ANKS1B: variants seen among roughly 807,000 people sequenced by gnomAD.
ANKS1B encodes ankyrin repeat and sterile alpha motif domain-containing protein 1B.
ANKS1B carries 36 observed loss-of-function variants against 148.3 expected under a neutral mutation model. The observed-to-expected ratio is 0.24, with a 90% CI of 0.19 to 0.32. The LOEUF is 0.32. ANKS1B is among the 10% of genes least tolerant of loss of function. The probability of loss-of-function intolerance (pLI) is 1.00; values close to 1 mark genes in which losing one functional copy is unlikely to be tolerated. For synonymous variants in ANKS1B, 542 were observed against 560.8 expected, an observed-to-expected ratio of 0.97 and a Z score of 0.47; for missense variants, 1,157 against 1,542.6, an observed-to-expected ratio of 0.75 and a Z score of 4.19.
chr12:98,865,126 G>A (rs1001754482), intron 17 of ANKS1B, among the ~76,000 whole-genome samples: 4 of 152,194 alleles, frequency 2.6e-5, no homozygotes, highest in Middle Eastern at 3.4e-3. Context: ...CCCTCAGACC[G>A]CTCAGAACAC....
chr12:99,847,734 T>C (rs899343072), intron 1 of ANKS1B, among the ~76,000 whole-genome samples: 2 of 152,180 alleles, frequency 1.3e-5, no homozygotes, highest in African/African-American at 4.8e-5. Flanking sequence ...AATCTGTTAT[T>C]CTTTTTTCTT....
At chr12:99,366,863 C>T (rs1593192418) in intron 12 of ANKS1B, among the ~76,000 whole-genome samples, 2 of 151,282 alleles carry the variant, frequency 1.3e-5, no homozygotes, top group African/African-American at 4.9e-5. Flanking sequence ...AAGAAATGGC[C>T]AAAAAAAATC....
intron 17 of ANKS1B, among the ~76,000 whole-genome samples, chr12:98,853,187 C>T (rs2099541081): frequency 6.6e-6 from 1 of 152,076 alleles, no homozygotes; most frequent in Admixed American, 6.5e-5. Flanking sequence ...ATATGAAAAC[C>T]CGGGTTTGAG....
chr12:98,985,031 C>G (rs892483290), intron 17 of ANKS1B, among the ~76,000 whole-genome samples: 1 of 152,038 alleles, frequency 6.6e-6, no homozygotes, highest in African/African-American at 2.4e-5. Context: ...AATAGATAAA[C>G]AAAAAATGAA....
chr12:99,445,486 A>G (rs578035414), intron 10 of ANKS1B, among the ~76,000 whole-genome samples: 2 of 152,112 alleles, frequency 1.3e-5, no homozygotes, highest in East Asian at 3.9e-4. Flanking sequence ...TCGAGAATGA[A>G]CCTGTATAAA....
chr12:99,481,317 T>C (rs1482445237), intron 10 of ANKS1B, among the ~76,000 whole-genome samples: 1 of 151,934 alleles, frequency 6.6e-6, no homozygotes, highest in Non-Finnish European at 1.5e-5. Context: ...CTTAGAATAA[T>C]GGCCTCTAGC....
chr12:98,926,618 T>C (rs1010922523), intron 17 of ANKS1B, among the ~76,000 whole-genome samples: 2 of 152,064 alleles, frequency 1.3e-5, no homozygotes, highest in African/African-American at 4.8e-5. Context: ...CAAGTTACTA[T>C]AGGAGACATG....
intron 15 of ANKS1B, among the ~76,000 whole-genome samples, chr12:99,108,541 T>A (rs2059674620): frequency 6.6e-6 from 1 of 152,172 alleles, no homozygotes; most frequent in Non-Finnish European, 1.5e-5. Context: ...GGTACTAATA[T>A]TAGTGAAAAT....
chr12:99,911,784 C>A (rs1565983030), intron 1 of ANKS1B, among the ~76,000 whole-genome samples: 1 of 152,126 alleles, frequency 6.6e-6, no homozygotes, highest in Non-Finnish European at 1.5e-5. Flanking sequence ...TGAAGAAAAT[C>A]CATGGCATCA....
chr12:99,555,280 A>G (rs76056746), intron 9 of ANKS1B, among the ~76,000 whole-genome samples: 2,147 of 152,260 alleles, frequency 0.014, 54 homozygotes, highest in African/African-American at 0.049. Flanking sequence ...CACAAGCAGT[A>G]TACAAGCATT....
chr12:98,983,634 A>G (rs1316929424), intron 17 of ANKS1B, among the ~76,000 whole-genome samples: 2 of 152,226 alleles, frequency 1.3e-5, no homozygotes, highest in Admixed American at 1.3e-4. Context: ...TAGGTAAAAT[A>G]TATTCACCAC....
At chr12:98,894,857 C>A (rs913349447) in intron 17 of ANKS1B, 8 of 980,314 alleles carry the variant, frequency 8.2e-6, no homozygotes, top group Middle Eastern at 5.2e-4. Flanking sequence ...GCGCCGGGCT[C>A]TCCCCGCGAG....
chr12:99,399,456 T>C (rs2152573537), intron 12 of ANKS1B, among the ~76,000 whole-genome samples, 175 bp downstream of exon 12: 1 of 152,222 alleles, frequency 6.6e-6, no homozygotes, highest in Admixed American at 6.5e-5. Context: ...CATCCATGTA[T>C]TCAAAAAGAA....
At position 98,744,413 on chromosome 12, in the gene ANKS1B, C is replaced by T. The variant is rs577091942; in HGVS notation, c.*1326G>A. ...AGACAATTCCACAATTTATCAATAT[C>T]GCTATAATGAACTTCAAAATGATTC... On this transcript the variant is annotated 3_prime_UTR_variant, in exon 27 of 27. Transcript: ENST00000683438. 8.1e-6 allele frequency: 7 copies of T among 865,066 alleles called. No homozygotes were observed. Among genetic ancestry groups the T allele is most frequent in the Non-Finnish European group, 9.7e-6 (7 of 720,094 alleles). The allele number at this position is 865,066 out of a possible 1,614,324, so 53.6% of individuals were successfully genotyped here.
At chr12:99,321,558 G>A (rs1170686837) in intron 12 of ANKS1B, among the ~76,000 whole-genome samples, 6 of 152,202 alleles carry the variant, frequency 3.9e-5, no homozygotes, top group Admixed American at 1.3e-4. Flanking sequence ...TTGGAAATGC[G>A]CAGTATTAGG....
intron 12 of ANKS1B, among the ~76,000 whole-genome samples, chr12:99,310,293 T>C (rs542324635): frequency 1.8e-4 from 27 of 152,270 alleles, no homozygotes; most frequent in African/African-American, 5.1e-4. Context: ...ATAGTGATGA[T>C]TAATTTTACA....
At chr12:99,223,953 C>T (rs186546823) in intron 14 of ANKS1B, among the ~76,000 whole-genome samples, 34 of 152,316 alleles carry the variant, frequency 2.2e-4, no homozygotes, top group African/African-American at 7.5e-4. Flanking sequence ...TGGAATTTCT[C>T]TGTTCCTGTT....
intron 10 of ANKS1B, among the ~76,000 whole-genome samples, chr12:99,474,340 T>C (rs1345112253): frequency 6.6e-6 from 1 of 152,100 alleles, no homozygotes; most frequent in Admixed American, 6.6e-5. Context: ...TCTATTCTGT[T>C]AAAATTTACT....
intron 10 of ANKS1B, among the ~76,000 whole-genome samples, chr12:99,481,138 C>A (rs562610307): frequency 6.6e-6 from 1 of 151,842 alleles, no homozygotes; most frequent in South Asian, 2.1e-4. Context: ...CCCATGTAGT[C>A]TACATTGTAC....
Sources: allele counts gnomAD v4.1 joint callset (sites outside exome capture counted in the v4.1 genomes callset), GRCh38; gene constraint gnomAD v4.1.1; transcripts MANE v1.5; gene names NCBI Gene and HGNC (gene_info 2026-07-23, HGNC 2026-07-21).